The following EYS variants were observed in gnomAD, a reference collection of about 807,000 sequenced individuals.
The protein encoded by EYS is EGF-like photoreceptor maintenance factor.
EYS carries 250 observed loss-of-function variants against 282.1 expected under a neutral mutation model. That is an observed-to-expected ratio of 0.89 (90% CI 0.80 to 0.98). The LOEUF (loss-of-function observed/expected upper bound fraction) is 0.98, where lower values mean the gene tolerates loss of function less well. Among genes scored for constraint, EYS ranks in the 50% least tolerant of loss-of-function variants. EYS has a pLI of 0.00. For missense variants in EYS, 4,016 were observed against 3,709.0 expected (o/e 1.08, Z -2.15); for synonymous variants, 1,355 against 1,282.9 (o/e 1.06, Z -1.20).
intron 2 of EYS, among the ~76,000 whole-genome samples, chr6:65,540,220 A>C (rs185765781): frequency 5.3e-5 from 8 of 152,322 alleles, no homozygotes; most frequent in Admixed American, 3.9e-4. Flanking sequence ...GATACCAAGC[A>C]CATTGTATTC....
At chr6:64,644,455 C>T (rs1017228128) in intron 22 of EYS, among the ~76,000 whole-genome samples, 1 of 152,008 alleles carries the variant, frequency 6.6e-6, no homozygotes, top group African/African-American at 2.4e-5. Context: ...TATTGTGAGG[C>T]TGATCATGAT....
intron 13 of EYS, among the ~76,000 whole-genome samples, chr6:65,019,918 G>A (rs866001339): frequency 3.9e-5 from 6 of 152,110 alleles, no homozygotes; most frequent in Admixed American, 1.3e-4. Context: ...AAGAAGTGCC[G>A]AGCAAAATGG....
intron 5 of EYS, among the ~76,000 whole-genome samples, chr6:65,416,581 T>G (rs1169629719): frequency 6.6e-6 from 1 of 152,002 alleles, no homozygotes; most frequent in African/African-American, 2.4e-5. Context: ...TGTGCATATA[T>G]CCATAAAAAA....
At chr6:63,957,930 A>G (rs1295608922) in intron 35 of EYS, among the ~76,000 whole-genome samples, 1 of 141,080 alleles carries the variant, frequency 7.1e-6, no homozygotes, top group African/African-American at 2.4e-5. Context: ...CAAACAATTT[A>G]GTGCAACTTA....
intron 1 of EYS, among the ~76,000 whole-genome samples, chr6:65,660,663 T>C (rs975810356): frequency 2.6e-5 from 4 of 151,718 alleles, no homozygotes; most frequent in Non-Finnish European, 5.9e-5. Context: ...ATATTTTTAG[T>C]ACCCTATTAC....
intron 29 of EYS, among the ~76,000 whole-genome samples, chr6:64,337,852 C>T (rs1018931244): frequency 2.6e-5 from 4 of 151,978 alleles, no homozygotes; most frequent in African/African-American, 9.7e-5. Flanking sequence ...TGTGATACAC[C>T]ATATACATGG....
At chr6:65,579,075 A>G (rs955500609) in intron 2 of EYS, among the ~76,000 whole-genome samples, 2 of 152,166 alleles carry the variant, frequency 1.3e-5, no homozygotes, top group African/African-American at 4.8e-5. Flanking sequence ...GTTTTCTTCA[A>G]ATATGGCAGT....
intron 25 of EYS, 37 bp from the exon 26 acceptor site, chr6:64,592,026 T>C (rs560753518): frequency 1.4e-6 from 2 of 1,418,988 alleles, no homozygotes; most frequent in East Asian, 2.5e-5. Context: ...GTTAGAAAAA[T>C]GAATCAGAAA....
chr6:63,992,591 T>C (rs957668282), intron 34 of EYS, among the ~76,000 whole-genome samples: 17 of 151,706 alleles, frequency 1.1e-4, no homozygotes, highest in Non-Finnish European at 2.1e-4. Context: ...GCTATAGCTA[T>C]AAAATATGTT....
At chr6:64,740,429 AG>A (rs1772331134) in intron 22 of EYS, among the ~76,000 whole-genome samples, 1 of 152,206 alleles carries the variant, frequency 6.6e-6, no homozygotes, top group Non-Finnish European at 1.5e-5. Context: ...CTTGGAGAAC[AG>A]GTGATCTATA....
chr6:64,383,458 G>A (rs918565489), intron 29 of EYS, among the ~76,000 whole-genome samples: 7 of 152,250 alleles, frequency 4.6e-5, no homozygotes, highest in Non-Finnish European at 1.0e-4. Flanking sequence ...GCCCTCAGCA[G>A]AATAGACACC....
At chr6:64,582,725 C>T (rs1055551969) in intron 26 of EYS, among the ~76,000 whole-genome samples, 1 of 152,004 alleles carries the variant, frequency 6.6e-6, no homozygotes, top group African/African-American at 2.4e-5. Context: ...ATCACAATCA[C>T]TCTACTGTAT....
intron 35 of EYS, among the ~76,000 whole-genome samples, chr6:63,888,152 G>T (rs1161504196): frequency 6.6e-6 from 1 of 152,214 alleles, no homozygotes; most frequent in South Asian, 2.1e-4. Flanking sequence ...GGAGCTTATA[G>T]ACAAAACTCC....
At chr6:64,215,693 T>C (rs1765908641) in intron 31 of EYS, among the ~76,000 whole-genome samples, 1 of 152,144 alleles carries the variant, frequency 6.6e-6, no homozygotes, top group Non-Finnish European at 1.5e-5. Context: ...TTTAATTTTT[T>C]TTCTATATCC....
chr6:65,071,813 C>G (rs2150166279), intron 12 of EYS, among the ~76,000 whole-genome samples: 1 of 151,852 alleles, frequency 6.6e-6, no homozygotes, highest in Admixed American at 6.6e-5. Flanking sequence ...TAAACTTAAT[C>G]CCCAGTGCAA....
intron 31 of EYS, among the ~76,000 whole-genome samples, chr6:64,082,903 A>AC (rs2149869915): frequency 6.7e-6 from 1 of 149,150 alleles, no homozygotes; most frequent in South Asian, 2.2e-4. Context: ...AAAAAAGAAA[A>AC]TGCAACTTCT....
At chr6:65,004,022 C>G (rs1193484888) in intron 13 of EYS, among the ~76,000 whole-genome samples, 1 of 146,686 alleles carries the variant, frequency 6.8e-6, no homozygotes, top group Non-Finnish European at 1.5e-5. Context: ...CTGTCTTTTT[C>G]CTCTATAAAT....
chr6:65,397,583 GGTGTGTGTGTGTGTGTGTGTGT>G (rs58522364), intron 7 of EYS, among the ~76,000 whole-genome samples: 8 of 138,192 alleles, frequency 5.8e-5, no homozygotes, highest in Non-Finnish European at 7.8e-5. Flanking sequence ...TGTATTTCAT[GGTGTGTGTGTGTGTGTGTGTGT>G]GTGTGTGTGT....
At chr6:64,078,693 A>T (rs1358817428) in intron 32 of EYS, among the ~76,000 whole-genome samples, 4 of 152,064 alleles carry the variant, frequency 2.6e-5, no homozygotes, top group African/African-American at 9.7e-5. Context: ...AGAAATGGAT[A>T]ATCGTTACAG....
Sources: allele counts gnomAD v4.1 joint callset (sites outside exome capture counted in the v4.1 genomes callset), GRCh38; gene constraint gnomAD v4.1.1; transcripts MANE v1.5; gene names NCBI Gene and HGNC (gene_info 2026-07-23, HGNC 2026-07-21).